Variants in BLM observed in about 807,000 individuals in gnomAD.
BLM encodes the protein recQ-like DNA helicase BLM.
A neutral mutation model predicts 135.3 loss-of-function variants in BLM; 95 were observed. That is an observed-to-expected ratio of 0.70 (90% CI 0.59 to 0.83). BLM has a LOEUF of 0.83. Ranked by LOEUF, BLM falls within the 40% of genes least tolerant of loss-of-function variation. BLM has a pLI of 0.00. For synonymous variants in BLM, 520 were observed against 589.2 expected (o/e 0.88, Z 1.70); for missense variants, 1,518 against 1,663.9 (o/e 0.91, Z 1.53).
rs557695835 is a variant in BLM at position 90,803,735 on chromosome 15, A to C, written c.3558+15A>C. ...GCAATTTAAAGGTATAGTATTTTTC[A>C]TGTTTATTTTATTATCTCACAATGA... On this transcript the variant is annotated intron_variant, in intron 18 of 21. Transcript: ENST00000355112. 6.2e-7 allele frequency: 1 copy of C among 1,612,378 alleles called. No individual in the cohort carries two copies. Among genetic ancestry groups the C allele is most frequent in the South Asian group, 1.1e-5 (1 of 91,006 alleles).
At position 90,764,484 on chromosome 15, in the gene BLM, G is replaced by A. The variant is rs1175104547; in HGVS notation, c.2075-812G>A. Among the ~76,000 whole-genome samples the A allele has an allele frequency of 2.6e-5, 4 of 151,602 alleles. No individual in the cohort carries two copies. The East Asian group carries it at 5.8e-4, about 22-fold the overall frequency. ...CCACCTTAGCCTCCCAAGAAGCTGG[G>A]GCTACAGGCATGTGCCACCACACCT... On this transcript the variant is annotated intron_variant, in intron 8 of 21. Coordinates refer to ENST00000355112, the MANE Select transcript of BLM (RefSeq NM_000057.4).
intron 17 of BLM, 87 bp downstream of exon 17, chr15:90,798,424 T>C: frequency 7.0e-7 from 1 of 1,426,970 alleles, no homozygotes; most frequent in Non-Finnish European, 9.6e-7. Flanking sequence ...AAAAACTTTT[T>C]GTCTATTTTC....
chr15:90,761,192 T>C lies in BLM; in HGVS notation c.1819T>C (p.Cys607Arg). Reference protein sequence around the residue: ...SERLSSAKTDCLPVSSTAQNI... With the variant: ...SERLSSAKTDRLPVSSTAQNI... Reference sequence around the variant, plus strand: ...AAGACTTTCCTCAGCCAAGACAGACTGTCTTCCAGTGTCATCTACTGCTCA... The same window carrying C: ...AAGACTTTCCTCAGCCAAGACAGACCGTCTTCCAGTGTCATCTACTGCTCA... The change falls in exon 7 of 22, where the codon TGT (cysteine) becomes CGT (arginine). Residue 607 changes from cysteine (C) to arginine (R), a missense_variant. Physicochemically the swap from Cys to Arg is radical, Grantham distance 180. This residue lies in a region of BLM where 724 missense variants were observed against 756.9 expected (regional missense o/e 0.96). Transcript: ENST00000355112. 6.5e-7 allele frequency: 1 copy of C among 1,530,860 alleles called. No homozygotes were observed. The highest frequency in any genetic ancestry group is 8.7e-7 in the Non-Finnish European group (1 of 1,143,764). 94.8% of individuals were successfully genotyped at this position (1,530,860 alleles called of 1,614,324 possible). A position where few individuals can be genotyped will look rare whatever the true frequency, so the allele number is the denominator to read the frequency against.
intron 15 of BLM, among the ~76,000 whole-genome samples, chr15:90,793,220 C>T (rs1224493239): frequency 6.7e-6 from 1 of 148,976 alleles, no homozygotes; most frequent in African/African-American, 2.5e-5. Context: ...ACTACAACCT[C>T]CACCTCCTGG....
rs1024172175 is a variant in BLM, at chr15:90,790,665, T to G, written c.2840T>G (p.Ile947Ser). 6.2e-7 allele frequency: 1 copy of G among 1,614,032 alleles called. No homozygotes were observed. Among genetic ancestry groups the G allele is most frequent in the Non-Finnish European group, 8.5e-7 (1 of 1,180,008 alleles). The change falls in exon 15 of 22, where the codon ATT (isoleucine) becomes AGT (serine). Residue 947 changes from isoleucine (I) to serine (S), a missense_variant. This residue lies in a region of BLM where 626 missense variants were observed against 681.1 expected (regional missense o/e 0.92). Coordinates refer to ENST00000355112, the MANE Select transcript of BLM (RefSeq NM_000057.4). ...QDGCQVICAT[I>S]AFGMGIDKPD... ...TTATATCAGGTTATCTGTGCTACAA[T>G]TGCATTTGGAATGGGGATTGACAAA...
In BLM at chr15:90,754,926, A is replaced by C. The variant is rs1332024999; in HGVS notation, c.1075A>C (p.Thr359Pro). 1.2e-6 allele frequency: 2 copies of C among 1,613,834 alleles called. No individual in the cohort carries two copies. The highest frequency in any genetic ancestry group is 3.3e-5 in the Admixed American group (2 of 60,000). The change falls in exon 5 of 22, where the codon ACA becomes CCA. Residue 359 changes from threonine to proline, a missense_variant. Thr to Pro is a conservative substitution (Grantham distance 38). Transcript: ENST00000355112. ...GCAGGAGCTGAATCCAGAAACCAGCACAGACTGTGACGGTACAAGCAATAT... is the reference window on the plus strand; with the variant it reads ...GCAGGAGCTGAATCCAGAAACCAGCCCAGACTGTGACGGTACAAGCAATAT... ...SMQELNPETSTDCDARQISLQ... is the reference protein window; with the variant it reads ...SMQELNPETSPDCDARQISLQ...
At chr15:90,759,413 T>TAA (rs879724551) in intron 5 of BLM, among the ~76,000 whole-genome samples, 1 of 135,938 alleles carries the variant, frequency 7.4e-6, no homozygotes, top group Non-Finnish European at 1.6e-5. Context: ...AATAATTAAT[T>TAA]AAAAAAAAAA....
intron 19 of BLM, chr15:90,808,905 C>G (rs890711114): frequency 1.0e-5 from 6 of 586,138 alleles, no homozygotes; most frequent in Non-Finnish European, 9.1e-6. Flanking sequence ...GGCTCTTGCC[C>G]TTGCTCTGCC....
At chr15:90,764,179 A>T (rs974757156) in intron 8 of BLM, among the ~76,000 whole-genome samples, 1 of 150,576 alleles carries the variant, frequency 6.6e-6, no homozygotes, top group Non-Finnish European at 1.5e-5. Context: ...GGGTTTCAAG[A>T]CGGCATTTTT....
At position 90,790,702 on chromosome 15, in the gene BLM, A is replaced by C. The variant is rs773582992; in HGVS notation, c.2877A>C (p.Arg959=). The C allele has an allele frequency of 7.4e-6, 12 of 1,614,052 alleles. No homozygotes were observed. In the African/African-American group the frequency reaches 1.6e-4, roughly 22 times the overall value. Residue 959 remains arginine (R), a synonymous_variant, in exon 15 of 22, where the codon CGA becomes CGC. Transcript: ENST00000355112. ...TGGGGATTGACAAACCGGACGTGCG[A>C]TTTGTGATTCATGCATCTCTCCCTA... The part of the protein sequence containing the change: ...FGMGIDKPDV[R]FVIHASLPKS...
At chr15:90,791,754 T>G (rs1297841286) in intron 15 of BLM, among the ~76,000 whole-genome samples, 1 of 152,134 alleles carries the variant, frequency 6.6e-6, no homozygotes, top group Non-Finnish European at 1.5e-5. Context: ...TTTTCTCACT[T>G]CAGCTTCCAG....
intron 15 of BLM, among the ~76,000 whole-genome samples, chr15:90,793,277 G>A (rs1234904257): frequency 6.6e-6 from 1 of 151,756 alleles, no homozygotes; most frequent in Non-Finnish European, 1.5e-5. Context: ...AGGGATTACA[G>A]GCTCGCACCA....
At chr15:90,720,391 G>A (rs766383176) in intron 1 of BLM, among the ~76,000 whole-genome samples, 5 of 152,026 alleles carry the variant, frequency 3.3e-5, no homozygotes, top group Non-Finnish European at 4.4e-5. Flanking sequence ...AAAAATTCCC[G>A]TATTTTATTG....
intron 1 of BLM, among the ~76,000 whole-genome samples, chr15:90,724,904 G>T (rs1250689392): frequency 6.6e-6 from 1 of 152,064 alleles, no homozygotes; most frequent in Non-Finnish European, 1.5e-5. Flanking sequence ...GTCCTACCCA[G>T]AGGAAGTTTT....
chr15:90,760,318 T>C (rs554188644), intron 6 of BLM, 39 bp downstream of exon 6: 1 of 1,612,542 alleles, frequency 6.2e-7, no homozygotes, highest in East Asian at 2.2e-5. Flanking sequence ...TATCTGATTA[T>C]ATTTCTACCA....
Position 90,717,385 on chromosome 15 carries a change from G to C in BLM, c.-60G>C, listed in dbSNP as rs546381589. 1.3e-5 allele frequency: 2 copies of C among 152,584 alleles called. No individual in the cohort carries two copies. The highest frequency in any genetic ancestry group is 1.9e-4 in the East Asian group (1 of 5,192). 9.5% of individuals were successfully genotyped at this position (152,584 alleles called of 1,614,324 possible). ...GCCAGGGCTTGGCGCGGCGGCCGTG[G>C]TTGCGGCGCGGGAAGTTTGGATCCT... is the stretch of plus-strand genomic sequence containing the variant. On this transcript the variant is annotated 5_prime_UTR_variant, in exon 1 of 22. Coordinates refer to ENST00000355112, the MANE Select transcript of BLM (RefSeq NM_000057.4).
chr15:90,808,027 G>A (rs781566164), intron 19 of BLM, among the ~76,000 whole-genome samples: 3 of 152,088 alleles, frequency 2.0e-5, no homozygotes, highest in Non-Finnish European at 4.4e-5. Flanking sequence ...GATGAAATTT[G>A]GTATTTTATG....
In BLM at chr15:90,769,218, A is replaced by C; in HGVS notation, c.2393A>C (p.His798Pro). 6.2e-7 allele frequency: 1 copy of C among 1,610,584 alleles called. No individual in the cohort carries two copies. Among genetic ancestry groups the C allele is most frequent in the Non-Finnish European group, 8.5e-7 (1 of 1,176,706 alleles). ...GCACGTTTTGTTATTGATGAAGCAC[A>C]TTGTGTCAGTCAGGTAAATACTGTT... ...LLARFVIDEA[H>P]CVSQWGHDFR... The change falls in exon 11 of 22, where the codon CAT (histidine) becomes CCT (proline). Residue 798 changes from histidine to proline, a missense_variant. Around this residue, in one of 5 missense-constraint regions of BLM, gnomAD observed 626 missense variants for 681.1 expected, o/e 0.92. Coordinates refer to ENST00000355112, the MANE Select transcript of BLM (RefSeq NM_000057.4).
intron 14 of BLM, among the ~76,000 whole-genome samples, chr15:90,788,959 C>T (rs147264298): frequency 0.17 from 23,635 of 141,496 alleles, 1,970 homozygotes; most frequent in Non-Finnish European, 0.19. Context: ...GGCAACAGAC[C>T]GAGACTGTCT....
Sources: allele counts gnomAD v4.1 joint callset (sites outside exome capture counted in the v4.1 genomes callset), GRCh38; gene constraint gnomAD v4.1.1; regional missense constraint gnomAD v4.1.1; transcripts MANE v1.5; gene names NCBI Gene and HGNC (gene_info 2026-07-23, HGNC 2026-07-21).